Variants in LEMD3 observed in about 807,000 individuals in gnomAD.
LEMD3 encodes the protein LEM domain containing 3.
A neutral mutation model predicts 95.2 loss-of-function variants in LEMD3; 33 were observed. That is an observed-to-expected ratio of 0.35 (90% CI 0.26 to 0.46). LEMD3 has a LOEUF of 0.46. Among genes scored for constraint, LEMD3 ranks in the 20% least tolerant of loss-of-function variants. The pLI is 1.00. For synonymous variants in LEMD3, 525 were observed against 474.6 expected (o/e 1.11, Z -1.38); for missense variants, 1,210 against 1,192.8 (o/e 1.01, Z -0.21).
chr12:65,186,048 G>T (rs868125346), intron 1 of LEMD3, among the ~76,000 whole-genome samples: 1 of 152,020 alleles, frequency 6.6e-6, no homozygotes, highest in Non-Finnish European at 1.5e-5. Context: ...ATTGGGAAAA[G>T]ATAACTTATT....
Position 65,246,554 on chromosome 12 carries a change from A to C in LEMD3, c.*229A>C. ...TTTTGGAGCTCAGTTAAGCCAATAC[A>C]TTTAAAGTTTTGCATGAGGAACACT... On this transcript the variant is annotated 3_prime_UTR_variant, in exon 13 of 13. Coordinates refer to ENST00000308330, the MANE Select transcript of LEMD3 (RefSeq NM_014319.5). 1 of 513,818 alleles carries C rather than the reference A, an allele frequency of 1.9e-6. No homozygotes were observed. Among genetic ancestry groups the C allele is most frequent in the Non-Finnish European group, 3.5e-6 (1 of 289,064 alleles). The allele number at this position is 513,818 out of a possible 1,614,324, so 31.8% of individuals were successfully genotyped here.
chr12:65,220,988 A>G (rs900682293), intron 4 of LEMD3, among the ~76,000 whole-genome samples: 1 of 152,180 alleles, frequency 6.6e-6, no homozygotes, highest in Non-Finnish European at 1.5e-5. Context: ...CATATGTTTT[A>G]AAGTCAGTGT....
chr12:65,183,112 G>A (rs1236454911), intron 1 of LEMD3, among the ~76,000 whole-genome samples: 7 of 152,082 alleles, frequency 4.6e-5, no homozygotes, highest in South Asian at 2.1e-4. Context: ...GACCAGAACC[G>A]TCCAGTAGAA....
intron 1 of LEMD3, among the ~76,000 whole-genome samples, chr12:65,190,094 T>G (rs1478171411): frequency 6.6e-6 from 1 of 152,176 alleles, no homozygotes; most frequent in African/African-American, 2.4e-5. Context: ...CTATGTACAT[T>G]TTCAAATATG....
intron 3 of LEMD3, 64 bp from the exon 4 acceptor site, chr12:65,218,488 A>T: frequency 1.1e-6 from 1 of 915,910 alleles, no homozygotes. Flanking sequence ...TGAATTAATT[A>T]TGTTTGTTTT....
chr12:65,186,399 C>T (rs1869064867), intron 1 of LEMD3, among the ~76,000 whole-genome samples: 1 of 151,740 alleles, frequency 6.6e-6, no homozygotes, highest in Non-Finnish European at 1.5e-5. Flanking sequence ...TACAAAATAG[C>T]TATAAATTAT....
intron 1 of LEMD3, among the ~76,000 whole-genome samples, chr12:65,210,137 G>A (rs561957265): frequency 1.3e-5 from 2 of 151,518 alleles, no homozygotes; most frequent in Non-Finnish European, 2.9e-5. Context: ...AATGAAGGAG[G>A]GGCATAGGGG....
At chr12:65,222,537 CAG>C (rs1433989683) in intron 4 of LEMD3, among the ~76,000 whole-genome samples, 1 of 152,066 alleles carries the variant, frequency 6.6e-6, no homozygotes, top group African/African-American at 2.4e-5. Context: ...ATAATAAACT[CAG>C]AAATGAATTC....
rs755407121 is a variant in LEMD3 at position 65,170,560 on chromosome 12, G to A, written c.964G>A (p.Ala322Thr). Reference protein sequence around the residue: ...GGGGLAMNDRAAAAGSLDRSR... With the variant: ...GGGGLAMNDRTAAAGSLDRSR... ...GGGAGGACTCGCGATGAATGACAGGGCGGCGGCTGCCGGGAGTCTAGACAG... is the reference window on the plus strand; with the variant it reads ...GGGAGGACTCGCGATGAATGACAGGACGGCGGCTGCCGGGAGTCTAGACAG... Residue 322 changes from alanine to threonine, a missense_variant, in exon 1 of 13, where the codon GCG becomes ACG. Around this residue, in one of 2 missense-constraint regions of LEMD3, gnomAD observed 749 missense variants for 622.9 expected, o/e 1.20. Coordinates refer to ENST00000308330, the MANE Select transcript of LEMD3 (RefSeq NM_014319.5). 35 of 1,614,012 alleles carry A rather than the reference G, an allele frequency of 2.2e-5. No homozygotes were observed. The highest frequency in any genetic ancestry group is 1.3e-4 in the African/African-American group (10 of 75,030).
intron 4 of LEMD3, among the ~76,000 whole-genome samples, chr12:65,234,762 C>T (rs1358580022): frequency 1.3e-5 from 2 of 152,120 alleles, no homozygotes; most frequent in East Asian, 1.9e-4. Flanking sequence ...CATTCCTCCT[C>T]GTACTTAGCT....
At chr12:65,188,103 A>G (rs1869121421) in intron 1 of LEMD3, among the ~76,000 whole-genome samples, 2 of 152,128 alleles carry the variant, frequency 1.3e-5, no homozygotes. Flanking sequence ...GAAATCAGAG[A>G]ATAAAGCAAA....
chr12:65,175,867 C>G (rs1868703936), intron 1 of LEMD3, among the ~76,000 whole-genome samples: 1 of 152,004 alleles, frequency 6.6e-6, no homozygotes, highest in African/African-American at 2.4e-5. Flanking sequence ...TGTTTTTGCT[C>G]CTCCTCCCTG....
Position 65,247,439 on chromosome 12 carries a change from T to G in LEMD3, c.*1114T>G, listed in dbSNP as rs906914518. ...AAATGTGTATTTGACAAATTATACT[T>G]GCAATTTTGGGTCATGAAAGTTTGC... On this transcript the variant is annotated 3_prime_UTR_variant, in exon 13 of 13. Coordinates refer to ENST00000308330, the MANE Select transcript of LEMD3 (RefSeq NM_014319.5). 1 of 152,538 alleles carries G rather than the reference T, an allele frequency of 6.6e-6. No homozygotes were observed. Among genetic ancestry groups the G allele is most frequent in the African/African-American group, 2.4e-5 (1 of 41,456 alleles). The allele number at this position is 152,538 out of a possible 1,614,324, so 9.4% of individuals were successfully genotyped here.
intron 4 of LEMD3, among the ~76,000 whole-genome samples, chr12:65,224,423 T>C (rs1870387090): frequency 6.6e-6 from 1 of 152,180 alleles, no homozygotes; most frequent in African/African-American, 2.4e-5. Context: ...CCTAGTCAAC[T>C]ATGGTCTGAA....
chr12:65,232,109 A>G (rs1396333562), intron 4 of LEMD3, among the ~76,000 whole-genome samples: 2 of 152,154 alleles, frequency 1.3e-5, no homozygotes, highest in South Asian at 2.1e-4. Context: ...TGCTTTTGAT[A>G]TATGTTGCTA....
intron 4 of LEMD3, among the ~76,000 whole-genome samples, chr12:65,223,016 C>T (rs117205019): frequency 1.1e-3 from 164 of 152,040 alleles, no homozygotes; most frequent in Non-Finnish European, 1.8e-3. Flanking sequence ...GGTATGATTT[C>T]GGTCGTCTTT....
intron 1 of LEMD3, among the ~76,000 whole-genome samples, chr12:65,194,397 G>A (rs1274975170): frequency 6.6e-6 from 1 of 152,112 alleles, no homozygotes; most frequent in Admixed American, 6.6e-5. Flanking sequence ...AAAATTTGGA[G>A]GCTAGGGTTT....
intron 1 of LEMD3, among the ~76,000 whole-genome samples, chr12:65,195,104 C>CT: frequency 6.6e-6 from 1 of 152,060 alleles, no homozygotes; most frequent in East Asian, 1.9e-4. Flanking sequence ...TTCTTGGGTT[C>CT]TGCAACCTGC....
Position 65,170,496 on chromosome 12 carries a change from A to G in LEMD3, c.900A>G (p.Lys300=). ...AGCCTCTCCCCCCGCTGACTGCTAA[A>G]TCGGCCGGCGGCAGGCTGGAGACTT... ...HSKPLPPLTA[K]SAGGRLETSV... is the part of the protein sequence containing the mutation. Residue 300 remains lysine (K), a synonymous_variant, in exon 1 of 13, where the codon AAA becomes AAG. Transcript: ENST00000308330. 1 of 1,612,814 alleles carries G rather than the reference A, an allele frequency of 6.2e-7. No homozygotes were observed. The highest frequency in any genetic ancestry group is 8.5e-7 in the Non-Finnish European group (1 of 1,179,618).
Sources: gnomAD v4.1 joint callset for allele counts (sites outside exome capture counted in the v4.1 genomes callset) on GRCh38, gnomAD v4.1.1 for gene constraint, gnomAD v4.1.1 regional missense constraint, MANE v1.5 for transcripts, NCBI Gene and HGNC (gene_info 2026-07-23, HGNC 2026-07-21) for gene names.